ATXN3: variants seen among roughly 807,000 people sequenced by gnomAD.
ATXN3 encodes the protein ataxin-3.
A neutral mutation model predicts 58.2 loss-of-function variants in ATXN3; 28 were observed. That is an observed-to-expected ratio of 0.48 (90% CI 0.36 to 0.66). ATXN3 has a LOEUF of 0.66. Ranked by LOEUF, ATXN3 falls within the 30% of genes least tolerant of loss-of-function variation. The pLI, the probability that ATXN3 is intolerant of heterozygous loss-of-function variation, is 0.00. For synonymous variants in ATXN3, 113 were observed against 138.5 expected (o/e 0.82, Z 1.29); for missense variants, 321 against 422.1 (o/e 0.76, Z 2.10).
intron 8 of ATXN3, among the ~76,000 whole-genome samples, chr14:92,081,465 C>CAAAAAAAAAAAAAAAAAAAAAA (rs58398762): frequency 1.3e-4 from 11 of 82,954 alleles, no homozygotes; most frequent in East Asian, 6.1e-4. Flanking sequence ...GACTCTGACT[C>CAAAAAAAAAAAAAAAAAAAAAA]AAAAAAAAAA....
At chr14:92,064,802 A>C (rs1381838809) in intron 10 of ATXN3, among the ~76,000 whole-genome samples, 1 of 152,218 alleles carries the variant, frequency 6.6e-6, no homozygotes, top group Non-Finnish European at 1.5e-5. Context: ...TTTGTTGTGT[A>C]TATCAACAAT....
At chr14:92,066,045 A>C (rs77219009) in intron 10 of ATXN3, among the ~76,000 whole-genome samples, 1 of 151,652 alleles carries the variant, frequency 6.6e-6, no homozygotes, top group African/African-American at 2.4e-5. Context: ...TGCTTGCCTC[A>C]GCCTCCCTAA....
intron 8 of ATXN3, among the ~76,000 whole-genome samples, chr14:92,081,491 G>GAAAAAA (rs1184878700): frequency 8.2e-6 from 1 of 121,466 alleles, no homozygotes; most frequent in African/African-American, 3.0e-5. Context: ...AAAAAAGAAA[G>GAAAAAA]AAAAAAAAAA....
intron 6 of ATXN3, among the ~76,000 whole-genome samples, chr14:92,086,739 T>C (rs1303242854): frequency 6.6e-6 from 1 of 151,806 alleles, no homozygotes; most frequent in Non-Finnish European, 1.5e-5. Flanking sequence ...CAGCTGGAGT[T>C]TCATGGAATT....
chr14:92,053,445 A>G (rs1305539625), upstream of ATXN3, among the ~76,000 whole-genome samples: 2 of 151,772 alleles, frequency 1.3e-5, no homozygotes, highest in Non-Finnish European at 2.9e-5. Context: ...AACCCGAAAG[A>G]AAAGGTACAT....
chr14:92,098,847 T>A (rs1376631546), intron 1 of ATXN3, among the ~76,000 whole-genome samples: 2 of 152,168 alleles, frequency 1.3e-5, no homozygotes, highest in East Asian at 3.9e-4. Flanking sequence ...TCCCATGGGA[T>A]GACAGGATTC....
intron 6 of ATXN3, among the ~76,000 whole-genome samples, chr14:92,086,832 G>GGA (rs2062692470): frequency 6.6e-6 from 1 of 150,516 alleles, no homozygotes; most frequent in South Asian, 2.1e-4. Flanking sequence ...AAGGGGGGGG[G>GGA]AACTGATTAT....
At chr14:92,065,663 C>T (rs1162419021) in intron 10 of ATXN3, among the ~76,000 whole-genome samples, 3 of 152,090 alleles carry the variant, frequency 2.0e-5, no homozygotes, top group Non-Finnish European at 4.4e-5. Context: ...GGGCGGATCA[C>T]GAGGTTAGGA....
At chr14:92,049,382 T>C (rs2140162350) in intron 1 of ATXN3, among the ~76,000 whole-genome samples, 1 of 152,116 alleles carries the variant, frequency 6.6e-6, no homozygotes, top group African/African-American at 2.4e-5. Flanking sequence ...GGAGTGTGGG[T>C]GAATAATCAG....
At chr14:92,076,243 C>T (rs970646647) in intron 9 of ATXN3, among the ~76,000 whole-genome samples, 4 of 151,938 alleles carry the variant, frequency 2.6e-5, no homozygotes, top group Admixed American at 1.3e-4. Context: ...ATCAGGAGTT[C>T]GAGACCAGTC....
chr14:92,096,854 G>A lies in ATXN3; in HGVS notation c.25-16C>T. ...AGCCTTCTTGCTAATATTTCCAAAA[G>A]AAAAAATTAAAATGTGACTTGTTAA... On this transcript the variant is annotated splice_polypyrimidine_tract_variant and intron_variant, in intron 1 of 10. Coordinates refer to ENST00000644486, the MANE Select transcript of ATXN3 (RefSeq NM_004993.6). 1 of 1,601,586 alleles carries A rather than the reference G, an allele frequency of 6.2e-7. No individual in the cohort carries two copies. The highest frequency in any genetic ancestry group is 8.5e-7 in the Non-Finnish European group (1 of 1,172,148).
chr14:92,072,740 C>A (rs2059657069), intron 9 of ATXN3, among the ~76,000 whole-genome samples: 1 of 130,910 alleles, frequency 7.6e-6, no homozygotes. Context: ...GGTCTTTTGG[C>A]TAAGATCAAG....
At chr14:92,045,406 G>T (rs1276339932) in intron 2 of ATXN3, among the ~76,000 whole-genome samples, 2 of 152,176 alleles carry the variant, frequency 1.3e-5, no homozygotes, top group African/African-American at 2.4e-5. Flanking sequence ...AGAAATGACT[G>T]TGGTGGCCTT....
chr14:92,080,817 T>A (rs1192852725), intron 9 of ATXN3, 148 bp downstream of exon 9: 1 of 717,674 alleles, frequency 1.4e-6, no homozygotes, highest in Non-Finnish European at 2.4e-6. Context: ...ATCACAGGCG[T>A]AAGCCACCGT....
At chr14:92,102,325 A>T (rs563065990) in intron 1 of ATXN3, among the ~76,000 whole-genome samples, 1 of 152,142 alleles carries the variant, frequency 6.6e-6, no homozygotes, top group Non-Finnish European at 1.5e-5. Context: ...AAATAAAAGA[A>T]ATTCTATGAT....
chr14:92,101,649 G>T (rs1463735598), intron 1 of ATXN3, among the ~76,000 whole-genome samples: 1 of 152,010 alleles, frequency 6.6e-6, no homozygotes, highest in Non-Finnish European at 1.5e-5. Flanking sequence ...CTTGAGATCA[G>T]GAGTTCGAGA....
chr14:92,079,425 T>G (rs532864068), intron 9 of ATXN3: 98 of 980,404 alleles, frequency 1.0e-4, no homozygotes, highest in Admixed American at 2.5e-4. Context: ...ATTAAGAGGA[T>G]GTCAGCTGAT....
At chr14:92,086,909 CA>C (rs1311323777) in intron 6 of ATXN3, among the ~76,000 whole-genome samples, 4 of 152,178 alleles carry the variant, frequency 2.6e-5, no homozygotes, top group South Asian at 2.1e-4. Flanking sequence ...ATCCAGCCCA[CA>C]AGTGAGGGAC....
Position 92,075,163 on chromosome 14 carries a change from T to G in ATXN3, c.873-4110A>C, listed in dbSNP as rs530695347. Among the ~76,000 whole-genome samples the G allele has an allele frequency of 1.6e-4, 12 of 73,410 alleles. No homozygotes were observed. The East Asian group carries it at 3.8e-3, about 23-fold the overall frequency. 48.2% of individuals were successfully genotyped at this position (73,410 alleles called of 152,430 possible). On this transcript the variant is annotated intron_variant, in intron 9 of 10. Transcript: ENST00000644486. ...ATGAATCTGTAATAGGGAGTTTTTT[T>G]TTTTTTTTTTTTTTTTTTGAGATGG...
Sources: gnomAD v4.1 joint callset for allele counts (sites outside exome capture counted in the v4.1 genomes callset) on GRCh38, gnomAD v4.1.1 for gene constraint, MANE v1.5 for transcripts, NCBI Gene and HGNC (gene_info 2026-07-23, HGNC 2026-07-21) for gene names.